PLXNA1: variants seen among roughly 807,000 people sequenced by gnomAD.
The protein encoded by PLXNA1 is plexin-A1.
PLXNA1 carries 77 observed loss-of-function variants against 191.7 expected under a neutral mutation model. The ratio of observed to expected loss-of-function variants is 0.40; its 90% CI spans 0.33 to 0.49. PLXNA1 has a LOEUF of 0.49. Ranked by LOEUF, PLXNA1 falls within the 20% of genes least tolerant of loss-of-function variation. The probability of loss-of-function intolerance (pLI) is 0.63; values close to 1 mark genes in which losing one functional copy is unlikely to be tolerated. For missense variants in PLXNA1, 2,110 were observed against 2,660.2 expected, an observed-to-expected ratio of 0.79 and a Z score of 4.55; for synonymous variants, 1,137 against 1,156.4, an observed-to-expected ratio of 0.98 and a Z score of 0.34.
chr3:127,022,009 G>A, intron 21 of PLXNA1, 76 bp from the exon 22 acceptor site: 1 of 1,551,758 alleles, frequency 6.4e-7, no homozygotes, highest in Non-Finnish European at 8.7e-7. Context: ...GCCAGGCCTG[G>A]ACAGCCCCTC....
chr3:127,007,818 G>A lies in PLXNA1; in HGVS notation c.2017G>A (p.Gly673Ser), dbSNP rs769172331. 3.1e-6 allele frequency: 5 copies of A among 1,612,712 alleles called. No homozygotes were observed. The highest frequency in any genetic ancestry group is 1.1e-5 in the South Asian group (1 of 90,882). The change falls in exon 9 of 32, where the codon GGC (glycine) becomes AGC (serine). Residue 673 changes from glycine to serine, a missense_variant. Around this residue, in one of 4 missense-constraint regions of PLXNA1, gnomAD observed 903 missense variants for 1,015.7 expected, o/e 0.89. Transcript: ENST00000393409. ...CTGCAGCTGCCTGTCCTGTGTCAAC[G>A]GCTCCTTTCCCTGCCACTGGTGCAA... ...VHQSCLSCVN[G>S]SFPCHWCKYR...
chr3:127,003,664 G>A (rs565809226), intron 4 of PLXNA1, among the ~76,000 whole-genome samples, 194 bp downstream of exon 4: 5 of 152,292 alleles, frequency 3.3e-5, no homozygotes, highest in South Asian at 4.2e-4. Context: ...CAGGGGAACC[G>A]GTCTGGTCAC....
chr3:126,995,131 A>G (rs2079009165), intron 3 of PLXNA1, among the ~76,000 whole-genome samples: 1 of 151,942 alleles, frequency 6.6e-6, no homozygotes. Context: ...GGGGTGTGAA[A>G]TTGTAGCTGA....
At chr3:126,999,056 G>T (rs1221644919) in intron 3 of PLXNA1, among the ~76,000 whole-genome samples, 1 of 152,202 alleles carries the variant, frequency 6.6e-6, no homozygotes, top group Non-Finnish European at 1.5e-5. Context: ...CTGGAGGAGG[G>T]GGCAGTCCTG....
At position 127,034,611 on chromosome 3, in the gene PLXNA1, C is replaced by T. The variant is rs1247609135; in HGVS notation, c.*594C>T. The T allele has an allele frequency of 6.5e-6, 1 of 152,844 alleles. No homozygotes were observed. The highest frequency in any genetic ancestry group is 1.9e-4 in the East Asian group (1 of 5,200). 9.5% of individuals were successfully genotyped at this position (152,844 alleles called of 1,614,324 possible). A position where few individuals can be genotyped will look rare whatever the true frequency, so the allele number is the denominator to read the frequency against. On this transcript the variant is annotated 3_prime_UTR_variant, in exon 32 of 32. Coordinates refer to ENST00000393409, the MANE Select transcript of PLXNA1 (RefSeq NM_032242.4). ...CCATGCCCGCTGCACCGCTGCCATCCTCAGATTCACCGCGTGCTCTGCGCG... is the reference window on the plus strand; with the variant it reads ...CCATGCCCGCTGCACCGCTGCCATCTTCAGATTCACCGCGTGCTCTGCGCG...
intron 1 of PLXNA1, among the ~76,000 whole-genome samples, chr3:126,988,153 G>T (rs1184759200): frequency 6.6e-6 from 1 of 152,180 alleles, no homozygotes; most frequent in Non-Finnish European, 1.5e-5. Flanking sequence ...TGCATAGGGA[G>T]GCTCTGGGTG....
chr3:127,037,074 C>T lies in PLXNA1; in HGVS notation c.*3057C>T, dbSNP rs528720014. On this transcript the variant is annotated 3_prime_UTR_variant, in exon 32 of 32. Transcript: ENST00000393409. ...TGAGAGCCTCCGCCCTGGCTTTCTC[C>T]CTGTCTGGATTCAGTGGCTCACGTT... is the stretch of plus-strand genomic sequence containing the variant. 6.6e-6 allele frequency: 1 copy of T among 152,602 alleles called. No homozygotes were observed. Among genetic ancestry groups the T allele is most frequent in the African/African-American group, 2.4e-5 (1 of 41,582 alleles). 9.5% of individuals were successfully genotyped at this position (152,602 alleles called of 1,614,324 possible). A position where few individuals can be genotyped will look rare whatever the true frequency, so the allele number is the denominator to read the frequency against.
rs769025331 is a variant in PLXNA1, at chr3:127,032,809, C to T, written c.5568C>T (p.Tyr1856=). The T allele has an allele frequency of 6.2e-7, 1 of 1,613,284 alleles. No homozygotes were observed. Among genetic ancestry groups the T allele is most frequent in the Non-Finnish European group, 8.5e-7 (1 of 1,180,000 alleles). ...FNSMSALHEI[Y]SYITKYKDEI... ...GCATGAGCGCCTTGCACGAGATCTA[C>T]TCCTACATCACCAAGTACAAGGATG... The change falls in exon 31 of 32, where the codon TAC becomes TAT. Residue 1856 remains tyrosine, a synonymous_variant. Transcript: ENST00000393409.
intron 9 of PLXNA1, among the ~76,000 whole-genome samples, chr3:127,008,344 G>C (rs1290062577): frequency 2.6e-5 from 4 of 152,234 alleles, no homozygotes; most frequent in African/African-American, 7.2e-5. Context: ...TCCATGTTGG[G>C]CAGGGGAGCT....
intron 23 of PLXNA1, chr3:127,027,239 C>T (rs1357707849): frequency 1.4e-5 from 3 of 221,352 alleles, no homozygotes; most frequent in Non-Finnish European, 9.0e-6. Flanking sequence ...GGACAGGAGG[C>T]GGTTCTCATG....
rs556663930 is a variant in PLXNA1, at chr3:126,989,599, G to A, written c.1006G>A (p.Val336Met). ...HQLGLAEDEDVLFTVFAQGQK... is the reference protein window; with the variant it reads ...HQLGLAEDEDMLFTVFAQGQK... ...GCTGGGCCTGGCTGAGGACGAGGAC[G>A]TGCTGTTCACTGTGTTCGCCCAGGG... Residue 336 changes from valine to methionine, a missense_variant, in exon 2 of 32, where the codon GTG (valine) becomes ATG (methionine). Around this residue, in one of 4 missense-constraint regions of PLXNA1, gnomAD observed 903 missense variants for 1,015.7 expected, o/e 0.89. Transcript: ENST00000393409. 2.1e-5 allele frequency: 34 copies of A among 1,613,236 alleles called. No homozygotes were observed. The Admixed American group carries it at 2.5e-4, about 12-fold the overall frequency.
chr3:127,028,433 C>T (rs2079188111), intron 25 of PLXNA1, 93 bp downstream of exon 25: 3 of 1,379,048 alleles, frequency 2.2e-6, no homozygotes, highest in African/African-American at 2.9e-5. Flanking sequence ...GAAGGCCAGG[C>T]CAGTCCTCCA....
chr3:127,003,700 C>T (rs2079052345), intron 4 of PLXNA1, among the ~76,000 whole-genome samples: 1 of 152,232 alleles, frequency 6.6e-6, no homozygotes, highest in African/African-American at 2.4e-5. Flanking sequence ...CTCATTGCTG[C>T]CTCCATGTTC....
chr3:126,997,524 G>C (rs2079019797), intron 3 of PLXNA1, among the ~76,000 whole-genome samples: 1 of 152,226 alleles, frequency 6.6e-6, no homozygotes, highest in African/African-American at 2.4e-5. Context: ...GGGCCTGAGT[G>C]TGTGCTGCCA....
At chr3:127,027,864 C>T in intron 23 of PLXNA1, 76 bp from the exon 24 acceptor site, 1 of 1,572,572 alleles carries the variant, frequency 6.4e-7, no homozygotes, top group East Asian at 2.3e-5. Flanking sequence ...CCATGGCTGG[C>T]ACTCGACGGG....
intron 3 of PLXNA1, among the ~76,000 whole-genome samples, chr3:126,997,810 G>A (rs904486999): frequency 3.9e-5 from 6 of 152,340 alleles, no homozygotes; most frequent in East Asian, 1.9e-4. Flanking sequence ...GGGCACTCAC[G>A]GAGAGCCCTA....
chr3:127,028,175 C>A lies in PLXNA1; in HGVS notation c.4510-6C>A. On this transcript the variant is annotated splice_region_variant and splice_polypyrimidine_tract_variant and intron_variant, in intron 24 of 31. Coordinates refer to ENST00000393409, the MANE Select transcript of PLXNA1 (RefSeq NM_032242.4). ...ACGCTGCCCCCTTGCTCCACCCCGC[C>A]CGCAGACCCTGAACTGTGTGAACCC... 1 of 1,613,276 alleles carries A rather than the reference C, an allele frequency of 6.2e-7. No homozygotes were observed. The highest frequency in any genetic ancestry group is 8.5e-7 in the Non-Finnish European group (1 of 1,179,976).
intron 3 of PLXNA1, among the ~76,000 whole-genome samples, chr3:127,000,591 C>T (rs1316791243): frequency 6.6e-6 from 1 of 152,190 alleles, no homozygotes; most frequent in Non-Finnish European, 1.5e-5. Flanking sequence ...CTCCCAGGTG[C>T]AGTTGCGGGT....
Position 127,028,751 on chromosome 3 carries a change from C to T in PLXNA1, c.4670-242C>T, listed in dbSNP as rs2079189745. On this transcript the variant is annotated intron_variant, in intron 25 of 31. Transcript: ENST00000393409. ...GGTGCCAGGCTGAGGAGTTGGGGCC[C>T]TAAGGCTTGCGGAAGGCAGGGCAGA... is the stretch of plus-strand genomic sequence containing the variant. 7 of 569,714 alleles carry T rather than the reference C, an allele frequency of 1.2e-5. No individual in the cohort carries two copies. The South Asian group carries it at 1.5e-4, about 12-fold the overall frequency. 35.3% of individuals were successfully genotyped at this position (569,714 alleles called of 1,614,324 possible). A position where few individuals can be genotyped will look rare whatever the true frequency, so the allele number is the denominator to read the frequency against.
Sources: allele counts gnomAD v4.1 joint callset (sites outside exome capture counted in the v4.1 genomes callset), GRCh38; gene constraint gnomAD v4.1.1; regional missense constraint gnomAD v4.1.1; transcripts MANE v1.5; gene names NCBI Gene and HGNC (gene_info 2026-07-23, HGNC 2026-07-21).